Variants in EPHA5 observed in about 807,000 individuals in gnomAD.
EPHA5 encodes the protein ephrin type-A receptor 5.
EPHA5 carries 60 observed loss-of-function variants against 105.0 expected under a neutral mutation model. That is an observed-to-expected ratio of 0.57 (90% CI 0.46 to 0.71). EPHA5 has a LOEUF of 0.71. Ranked by LOEUF, EPHA5 falls within the 30% of genes least tolerant of loss-of-function variation. The pLI is 0.00. For synonymous variants in EPHA5, 513 were observed against 449.1 expected (o/e 1.14, Z -1.80); for missense variants, 1,218 against 1,274.7 (o/e 0.96, Z 0.68).
intron 14 of EPHA5, among the ~76,000 whole-genome samples, chr4:65,346,231 G>T (rs1242970911): frequency 1.3e-5 from 2 of 151,566 alleles, no homozygotes; most frequent in Non-Finnish European, 2.9e-5. Context: ...GCTTTATTAA[G>T]TCTCATTGTA....
At chr4:65,585,534 T>C (rs1742035015) in intron 3 of EPHA5, among the ~76,000 whole-genome samples, 1 of 151,848 alleles carries the variant, frequency 6.6e-6, no homozygotes, top group South Asian at 2.1e-4. Flanking sequence ...ACAGGATCTG[T>C]TAACTTTATT....
At chr4:65,404,548 T>C (rs1257296666) in intron 7 of EPHA5, 69 bp from the exon 8 acceptor site, 2 of 1,299,082 alleles carry the variant, frequency 1.5e-6, no homozygotes, top group Non-Finnish European at 2.2e-6. Context: ...AAAAGTTGCT[T>C]AATAGACAGT....
chr4:65,611,771 C>T (rs1428426396), intron 2 of EPHA5, among the ~76,000 whole-genome samples: 3 of 144,480 alleles, frequency 2.1e-5, no homozygotes, highest in Non-Finnish European at 4.7e-5. Flanking sequence ...ACACAAATTT[C>T]CATCGCATTT....
chr4:65,452,449 GTTCT>G (rs1254047139), intron 5 of EPHA5, among the ~76,000 whole-genome samples: 2 of 151,936 alleles, frequency 1.3e-5, no homozygotes, highest in Admixed American at 6.6e-5. Context: ...ATTTTGTAGT[GTTCT>G]TTAAGTTACA....
At chr4:65,333,523 G>A (rs1005208694) in intron 15 of EPHA5, among the ~76,000 whole-genome samples, 3 of 121,952 alleles carry the variant, frequency 2.5e-5, no homozygotes, top group Non-Finnish European at 3.4e-5. Context: ...GTGCGTGTGC[G>A]TGTGAGAGTG....
intron 7 of EPHA5, among the ~76,000 whole-genome samples, chr4:65,412,218 AC>A (rs1722978495): frequency 6.6e-6 from 1 of 152,090 alleles, no homozygotes; most frequent in South Asian, 2.1e-4. Context: ...ATAGAGTGAG[AC>A]TCTCTCAATA....
At chr4:65,420,406 G>C (rs1578076048) in intron 6 of EPHA5, 35 bp downstream of exon 6, 1 of 1,484,398 alleles carries the variant, frequency 6.7e-7, no homozygotes, top group Non-Finnish European at 9.0e-7. Flanking sequence ...AAAAAAAAAA[G>C]AAAGTGAGGA....
At chr4:65,660,936 C>G (rs1164386289) in intron 1 of EPHA5, among the ~76,000 whole-genome samples, 1 of 152,088 alleles carries the variant, frequency 6.6e-6, no homozygotes, top group Non-Finnish European at 1.5e-5. Flanking sequence ...TACCCTTACC[C>G]AGCAAACAAA....
intron 2 of EPHA5, among the ~76,000 whole-genome samples, chr4:65,635,788 G>A (rs541523917): frequency 2.4e-4 from 37 of 152,198 alleles, no homozygotes; most frequent in Non-Finnish European, 4.0e-4. Flanking sequence ...TGTTCCAGAC[G>A]CTGACTGAAA....
chr4:65,323,553 T>C lies in EPHA5; in HGVS notation c.*561A>G, dbSNP rs1263132500. ...TACTTTTTCTTGATCAAGCAACATG[T>C]TTACACACTAGTTTCTATAACTTAA... is the stretch of plus-strand genomic sequence containing the variant. On this transcript the variant is annotated 3_prime_UTR_variant, in exon 17 of 17. Coordinates refer to ENST00000613740, the MANE Select transcript of EPHA5 (RefSeq NM_001281766.3). 4.3e-6 allele frequency: 1 copy of C among 230,140 alleles called. No homozygotes were observed. The highest frequency in any genetic ancestry group is 8.6e-6 in the Non-Finnish European group (1 of 116,060). The allele number at this position is 230,140 out of a possible 1,614,324, so 14.3% of individuals were successfully genotyped here. A position where few individuals can be genotyped will look rare whatever the true frequency, so the allele number is the denominator to read the frequency against.
At chr4:65,408,365 A>G (rs1722573777) in intron 7 of EPHA5, among the ~76,000 whole-genome samples, 1 of 152,092 alleles carries the variant, frequency 6.6e-6, no homozygotes, top group South Asian at 2.1e-4. Flanking sequence ...TAGTTTATTA[A>G]TGATGCTGTT....
intron 2 of EPHA5, among the ~76,000 whole-genome samples, chr4:65,628,740 T>C (rs1181347190): frequency 1.3e-5 from 2 of 152,200 alleles, no homozygotes; most frequent in Non-Finnish European, 2.9e-5. Context: ...ACTGTGCAGA[T>C]TGGAAGTATT....
At chr4:65,335,363 C>A (rs961444074) in intron 15 of EPHA5, among the ~76,000 whole-genome samples, 4 of 151,884 alleles carry the variant, frequency 2.6e-5, no homozygotes, top group African/African-American at 9.7e-5. Flanking sequence ...TCATTTACTC[C>A]CACAAATTTT....
intron 5 of EPHA5, among the ~76,000 whole-genome samples, chr4:65,465,535 AGGAAAGGAAGG>A (rs1560567627): frequency 1.3e-4 from 9 of 71,348 alleles, no homozygotes; most frequent in African/African-American, 5.2e-4. Flanking sequence ...AAGAAAAGAA[AGGAAAGGAAGG>A]AAAGGAAGGA....
intron 5 of EPHA5, among the ~76,000 whole-genome samples, chr4:65,442,330 C>T (rs1038119138): frequency 6.6e-6 from 1 of 152,094 alleles, no homozygotes; most frequent in Non-Finnish European, 1.5e-5. Context: ...AAGGAAAAGC[C>T]ATGTGAAATT....
chr4:65,367,347 A>G lies in EPHA5; in HGVS notation c.1861+10T>C, dbSNP rs750503670. 3.7e-5 allele frequency: 59 copies of G among 1,607,536 alleles called. No individual in the cohort carries two copies. Among genetic ancestry groups the G allele is most frequent in the Non-Finnish European group, 4.8e-5 (56 of 1,176,920 alleles). On this transcript the variant is annotated intron_variant, in intron 9 of 16. Coordinates refer to ENST00000613740, the MANE Select transcript of EPHA5 (RefSeq NM_001281766.3). ...TTTTATTCTATTTTTATTTTTTACAATTTGCTTACTGTGCCCATTATGAAA... is the reference window on the plus strand; with the variant it reads ...TTTTATTCTATTTTTATTTTTTACAGTTTGCTTACTGTGCCCATTATGAAA...
At position 65,490,576 on chromosome 4, in the gene EPHA5, A is replaced by G. The variant is rs1731307211; in HGVS notation, c.1203T>C (p.His401=). 6.2e-7 allele frequency: 1 copy of G among 1,614,122 alleles called. No homozygotes were observed. Among genetic ancestry groups the G allele is most frequent in the African/African-American group, 1.3e-5 (1 of 75,032 alleles). The change falls in exon 5 of 17, where the codon CAT becomes CAC. Residue 401 remains histidine (H), a synonymous_variant. Transcript: ENST00000613740. ...CGCCACACTCCTCACACACACCTGC[A>G]TGGGAGTTGCACTTCTTGCATGCAA... The part of the protein sequence containing the change: ...YYIACKKCNS[H]AGVCEECGGH...
At chr4:65,461,077 A>AC (rs1728078196) in intron 5 of EPHA5, among the ~76,000 whole-genome samples, 1 of 151,896 alleles carries the variant, frequency 6.6e-6, no homozygotes. Context: ...AAATACCCTC[A>AC]TAATTACATA....
At chr4:65,525,567 G>A (rs1414242661) in intron 3 of EPHA5, among the ~76,000 whole-genome samples, 1 of 151,662 alleles carries the variant, frequency 6.6e-6, no homozygotes, top group Non-Finnish European at 1.5e-5. Flanking sequence ...TGGAACCATT[G>A]GAAAGCTATT....
Sources: allele counts gnomAD v4.1 joint callset (sites outside exome capture counted in the v4.1 genomes callset), GRCh38; gene constraint gnomAD v4.1.1; transcripts MANE v1.5; gene names NCBI Gene and HGNC (gene_info 2026-07-23, HGNC 2026-07-21).